ARHGAP44: variants seen among roughly 807,000 people sequenced by gnomAD.
ARHGAP44 encodes Rho GTPase activating protein 44.
Under a neutral mutation model 106.8 loss-of-function variants are expected in ARHGAP44, and 43 were observed. The observed-to-expected ratio is 0.40, with a 90% CI of 0.32 to 0.52. ARHGAP44 has a LOEUF of 0.52. Ranked by LOEUF, ARHGAP44 falls within the 20% of genes least tolerant of loss-of-function variation. The pLI is 0.48. For synonymous variants in ARHGAP44, 439 were observed against 410.3 expected (o/e 1.07, Z -0.85); for missense variants, 866 against 1,050.5 (o/e 0.82, Z 2.43).
At chr17:12,941,339 T>G (rs2038704057) in intron 8 of ARHGAP44, among the ~76,000 whole-genome samples, 1 of 152,074 alleles carries the variant, frequency 6.6e-6, no homozygotes, top group African/African-American at 2.4e-5. Context: ...TTATTGCAAC[T>G]CAGTCCACTG....
intron 4 of ARHGAP44, among the ~76,000 whole-genome samples, chr17:12,911,145 G>T (rs563796908): frequency 1.3e-5 from 2 of 151,912 alleles, no homozygotes; most frequent in East Asian, 3.9e-4. Flanking sequence ...GATGTAAATG[G>T]AATAAACTCA....
chr17:12,842,424 A>C (rs2035442733), intron 1 of ARHGAP44, among the ~76,000 whole-genome samples: 1 of 141,318 alleles, frequency 7.1e-6, no homozygotes, highest in Admixed American at 6.8e-5. Flanking sequence ...CAAAAAAAAA[A>C]AAAAAAAAAG....
intron 1 of ARHGAP44, among the ~76,000 whole-genome samples, chr17:12,826,106 G>A (rs1316273156): frequency 2.0e-5 from 3 of 152,154 alleles, no homozygotes; most frequent in East Asian, 1.9e-4. Context: ...TCAGGGGTAC[G>A]TGTACAGGTT....
rs1330715223 is a variant in ARHGAP44 at position 12,789,766 on chromosome 17, T to C, written c.-73T>C. On this transcript the variant is annotated 5_prime_UTR_variant, in exon 1 of 21. An upstream start codon of the reference 5' UTR is lost. Transcript: ENST00000379672. ...CCCGGGAGGCTCCGCGCGGGAGCCA[T>C]GTAACCCTGCGGCGGGCTCCGGGCT... 2.2e-6 allele frequency: 3 copies of C among 1,374,060 alleles called. No individual in the cohort carries two copies. Among genetic ancestry groups the C allele is most frequent in the African/African-American group, 3.1e-5 (2 of 64,990 alleles). 85.1% of individuals were successfully genotyped at this position (1,374,060 alleles called of 1,614,324 possible). A position where few individuals can be genotyped will look rare whatever the true frequency, so the allele number is the denominator to read the frequency against.
chr17:12,954,113 G>A (rs2143127060), intron 13 of ARHGAP44, among the ~76,000 whole-genome samples: 1 of 151,234 alleles, frequency 6.6e-6, no homozygotes, highest in African/African-American at 2.4e-5. Flanking sequence ...AGCCAGGCTG[G>A]TCTCAAACTC....
chr17:12,957,442 G>T (rs1338333719), intron 15 of ARHGAP44, among the ~76,000 whole-genome samples: 1 of 152,192 alleles, frequency 6.6e-6, no homozygotes, highest in Non-Finnish European at 1.5e-5. Flanking sequence ...TGCAGAGGGG[G>T]AGACAGGTTC....
chr17:12,814,500 C>T lies in ARHGAP44; in HGVS notation c.53+24609C>T, dbSNP rs532616398. 2.6e-5 allele frequency among the ~76,000 whole-genome samples: 4 copies of T among 151,848 alleles called. No individual in the cohort carries two copies. The East Asian group carries it at 5.8e-4, about 22-fold the overall frequency. On this transcript the variant is annotated intron_variant, in intron 1 of 20. Transcript: ENST00000379672. ...AGGTGATCTGCCCGCCTCGGCCTCC[C>T]GAAGTGCTGGGATTACATGGGTGAG...
At chr17:12,878,166 G>A (rs1199207811) in intron 1 of ARHGAP44, among the ~76,000 whole-genome samples, 2 of 152,046 alleles carry the variant, frequency 1.3e-5, no homozygotes, top group African/African-American at 4.8e-5. Flanking sequence ...TATGGTAGTG[G>A]GATTCTGTTA....
At chr17:12,924,497 C>G (rs894189231) in intron 6 of ARHGAP44, among the ~76,000 whole-genome samples, 1 of 152,118 alleles carries the variant, frequency 6.6e-6, no homozygotes, top group African/African-American at 2.4e-5. Context: ...CAAGGTTAAC[C>G]CTCCCGAGTC....
At chr17:12,801,238 T>C (rs566032507) in intron 1 of ARHGAP44, among the ~76,000 whole-genome samples, 3 of 152,390 alleles carry the variant, frequency 2.0e-5, no homozygotes, top group South Asian at 4.1e-4. Flanking sequence ...AGGAATCTCA[T>C]GCACACTGTT....
intron 19 of ARHGAP44, 114 bp downstream of exon 19, chr17:12,980,347 C>A: frequency 8.8e-7 from 1 of 1,136,016 alleles, no homozygotes; most frequent in Non-Finnish European, 1.2e-6. Flanking sequence ...GGTTTAGTGA[C>A]TAATTCCCAT....
chr17:12,848,837 A>G (rs2035646783), intron 1 of ARHGAP44, among the ~76,000 whole-genome samples: 1 of 152,190 alleles, frequency 6.6e-6, no homozygotes, highest in African/African-American at 2.4e-5. Context: ...ACCAGAAGTC[A>G]GGAGTTCGAG....
intron 6 of ARHGAP44, among the ~76,000 whole-genome samples, chr17:12,920,481 G>C (rs1272377992): frequency 6.6e-6 from 1 of 152,008 alleles, no homozygotes; most frequent in Non-Finnish European, 1.5e-5. Context: ...TTTGAGGTGG[G>C]TCATTTTGGT....
intron 20 of ARHGAP44, among the ~76,000 whole-genome samples, chr17:12,989,783 T>C (rs943660102): frequency 2.0e-5 from 3 of 152,212 alleles, no homozygotes; most frequent in African/African-American, 7.2e-5. Flanking sequence ...AGTGCTGTTC[T>C]GGCCTTCCTC....
Position 12,796,125 on chromosome 17 carries a change from T to G in ARHGAP44, c.53+6234T>G, listed in dbSNP as rs181474880. 4.9e-5 allele frequency among the ~76,000 whole-genome samples: 6 copies of G among 122,574 alleles called. No homozygotes were observed. In the East Asian group the frequency reaches 1.5e-3, roughly 30 times the overall value. The allele number at this position is 122,574 out of a possible 152,430, so 80.4% of individuals were successfully genotyped here. A position where few individuals can be genotyped will look rare whatever the true frequency, so the allele number is the denominator to read the frequency against. ...AATATTTTGGATATAGTCTTTCAGT[T>G]TTTGAGAAGTATATCTATCTATCTA... On this transcript the variant is annotated intron_variant, in intron 1 of 20. Coordinates refer to ENST00000379672, the MANE Select transcript of ARHGAP44 (RefSeq NM_014859.6).
intron 1 of ARHGAP44, among the ~76,000 whole-genome samples, chr17:12,871,570 C>T (rs1254680788): frequency 1.3e-5 from 2 of 152,016 alleles, no homozygotes; most frequent in Non-Finnish European, 2.9e-5. Flanking sequence ...ATAACTGGAT[C>T]TCGTGAGAGC....
At chr17:12,892,678 T>C (rs2037082570) in intron 1 of ARHGAP44, among the ~76,000 whole-genome samples, 1 of 152,114 alleles carries the variant, frequency 6.6e-6, no homozygotes. Flanking sequence ...GTTTGTTGAT[T>C]TGTTTGGTCT....
Position 12,789,724 on chromosome 17 carries a change from C to G in ARHGAP44, c.-115C>G, listed in dbSNP as rs1359600789. On this transcript the variant is annotated 5_prime_UTR_variant, in exon 1 of 21. Coordinates refer to ENST00000379672, the MANE Select transcript of ARHGAP44 (RefSeq NM_014859.6). ...GGCCAGACGGCGCCCGGAGGCTCCG[C>G]AGTGCCGCCGCCGTCGCCCGGGAGG... 1.0e-6 allele frequency: 1 copy of G among 977,368 alleles called. No individual in the cohort carries two copies. Among genetic ancestry groups the G allele is most frequent in the Non-Finnish European group, 1.4e-6 (1 of 729,708 alleles). The allele number at this position is 977,368 out of a possible 1,614,324, so 60.5% of individuals were successfully genotyped here. A position where few individuals can be genotyped will look rare whatever the true frequency, so the allele number is the denominator to read the frequency against.
chr17:12,886,050 C>T (rs1245552205), intron 1 of ARHGAP44, among the ~76,000 whole-genome samples: 1 of 152,012 alleles, frequency 6.6e-6, no homozygotes, highest in Non-Finnish European at 1.5e-5. Context: ...GGCCAGGGTT[C>T]ATAGTTTTGC....
Sources: allele counts gnomAD v4.1 joint callset (sites outside exome capture counted in the v4.1 genomes callset), GRCh38; gene constraint gnomAD v4.1.1; transcripts MANE v1.5; gene names NCBI Gene and HGNC (gene_info 2026-07-23, HGNC 2026-07-21).